Variants in PRMT8 observed in about 807,000 individuals in gnomAD.
PRMT8 encodes the protein protein arginine methyltransferase 8.
PRMT8 carries 7 observed loss-of-function variants against 47.1 expected under a neutral mutation model. That is an observed-to-expected ratio of 0.15 (90% CI 0.08 to 0.28). The LOEUF (loss-of-function observed/expected upper bound fraction) is 0.28. Ranked by LOEUF, PRMT8 falls within the 10% of genes least tolerant of loss-of-function variation. PRMT8 has a pLI of 1.00. For missense variants in PRMT8, 237 were observed against 505.4 expected (o/e 0.47, Z 5.09); for synonymous variants, 188 against 186.5 (o/e 1.01, Z -0.07).
intron 1 of PRMT8, among the ~76,000 whole-genome samples, chr12:3,470,454 C>T (rs946659213): frequency 2.0e-5 from 3 of 152,158 alleles, no homozygotes; most frequent in African/African-American, 7.2e-5. Flanking sequence ...TCTGTTTGAA[C>T]CTGCCAACCT....
chr12:3,397,982 C>G (rs376782614), intron 1 of PRMT8, among the ~76,000 whole-genome samples: 12 of 152,118 alleles, frequency 7.9e-5, no homozygotes, highest in African/African-American at 2.4e-4. Flanking sequence ...TTCCAGGTGC[C>G]GTCCATCACC....
At chr12:3,441,234 A>G (rs1279395165) in intron 1 of PRMT8, among the ~76,000 whole-genome samples, 1 of 150,362 alleles carries the variant, frequency 6.7e-6, no homozygotes, top group Non-Finnish European at 1.5e-5. Flanking sequence ...GTTATGTATT[A>G]AGAACTTTTT....
chr12:3,476,411 A>T (rs776543940), intron 1 of PRMT8, among the ~76,000 whole-genome samples: 10 of 151,996 alleles, frequency 6.6e-5, no homozygotes, highest in Admixed American at 3.9e-4. Context: ...TTTCTGCTTG[A>T]ATTAGGTTTT....
intron 8 of PRMT8, among the ~76,000 whole-genome samples, chr12:3,588,666 C>T (rs977626180): frequency 6.6e-6 from 1 of 152,242 alleles, no homozygotes; most frequent in Non-Finnish European, 1.5e-5. Context: ...AATGAATGCA[C>T]TGCACTAGGA....
In PRMT8 at chr12:3,535,125, C is replaced by A. The variant is rs1365811061; in HGVS notation, c.76-5481C>A. On this transcript the variant is annotated intron_variant, in intron 1 of 9. Coordinates refer to ENST00000382622, the MANE Select transcript of PRMT8 (RefSeq NM_019854.5). This position sits in a 1 kb window ranked among gnomAD's most constrained non-coding sequence, Gnocchi z 4.7. Reference sequence around the variant, plus strand: ...CAAACATGCTCCCCCAAATCCCCACCCCTGCTTGTGGAAATCCGACCCACC... The same window carrying A: ...CAAACATGCTCCCCCAAATCCCCACACCTGCTTGTGGAAATCCGACCCACC... 6.6e-6 allele frequency among the ~76,000 whole-genome samples: 1 copy of A among 152,182 alleles called. No individual in the cohort carries two copies. The highest frequency in any genetic ancestry group is 1.5e-5 in the Non-Finnish European group (1 of 68,032).
At chr12:3,397,107 C>T (rs1409430426) in intron 1 of PRMT8, among the ~76,000 whole-genome samples, 1 of 151,552 alleles carries the variant, frequency 6.6e-6, no homozygotes, top group Non-Finnish European at 1.5e-5. Context: ...TCTAGTTATA[C>T]ATTCTTCTAA....
intron 1 of PRMT8, among the ~76,000 whole-genome samples, chr12:3,471,952 A>G (rs1865166944): frequency 6.6e-6 from 1 of 151,834 alleles, no homozygotes; most frequent in South Asian, 2.1e-4. Context: ...ATGAGGGAAG[A>G]GCGGGTCTCC....
rs761300257 is a variant in PRMT8, at chr12:3,593,379, C to T, written c.*197C>T. On this transcript the variant is annotated 3_prime_UTR_variant, in exon 10 of 10. Coordinates refer to ENST00000382622, the MANE Select transcript of PRMT8 (RefSeq NM_019854.5). This position sits in a 1 kb window ranked among gnomAD's most constrained non-coding sequence, Gnocchi z 4.8. ...GAAGGCCTCCAGCTCCTCCGCTCTG[C>T]CCTGGTAGCCCTTCACGAAGGCTTT... The T allele has an allele frequency of 1.1e-5, 6 of 558,512 alleles. No homozygotes were observed. Among genetic ancestry groups the T allele is most frequent in the Non-Finnish European group, 1.9e-5 (6 of 319,660 alleles). The allele number at this position is 558,512 out of a possible 1,614,324, so 34.6% of individuals were successfully genotyped here.
At chr12:3,480,076 A>C (rs988337285) in intron 1 of PRMT8, among the ~76,000 whole-genome samples, 2 of 152,242 alleles carry the variant, frequency 1.3e-5, no homozygotes, top group African/African-American at 4.8e-5. Context: ...ATAATGGACA[A>C]ACCCTGATGG....
rs1565427798 is a variant in PRMT8 at position 3,514,673 on chromosome 12, TGGGCGACAGGAGCACCAGTGGGA to T, written c.75+22978_75+23000del. ...GACCTTTCCGGCTGGGTTCTGCCTG[TGGGCGACAGGAGCACCAGTGGGA>T]GGGCAACAGGAGCACCAGTGGGAGG... On this transcript the variant is annotated intron_variant, in intron 1 of 9. Coordinates refer to ENST00000382622, the MANE Select transcript of PRMT8 (RefSeq NM_019854.5). This position sits in a 1 kb window ranked among gnomAD's most constrained non-coding sequence, Gnocchi z 5.9. Among the ~76,000 whole-genome samples the T allele has an allele frequency of 7.1e-6, 1 of 141,714 alleles. No homozygotes were observed. Among genetic ancestry groups the T allele is most frequent in the African/African-American group, 2.6e-5 (1 of 38,888 alleles). 93.0% of individuals were successfully genotyped at this position (141,714 alleles called of 152,430 possible).
chr12:3,395,538 A>C (rs1204253617), intron 1 of PRMT8, among the ~76,000 whole-genome samples: 1 of 151,988 alleles, frequency 6.6e-6, no homozygotes, highest in Non-Finnish European at 1.5e-5. Flanking sequence ...GAGATTCTTA[A>C]TCCTGAGTTC....
chr12:3,475,116 T>G (rs1865197836), intron 1 of PRMT8, among the ~76,000 whole-genome samples: 1 of 152,122 alleles, frequency 6.6e-6, no homozygotes, highest in Non-Finnish European at 1.5e-5. Context: ...GCCTGGCCAC[T>G]AAAAGAAGGG....
At chr12:3,423,756 C>T (rs1412401715) in intron 1 of PRMT8, among the ~76,000 whole-genome samples, 2 of 152,176 alleles carry the variant, frequency 1.3e-5, no homozygotes, top group Non-Finnish European at 2.9e-5. Context: ...CAAATGGATT[C>T]CTTTCTGTGT....
chr12:3,444,308 C>G (rs984228484), intron 1 of PRMT8, among the ~76,000 whole-genome samples: 4 of 152,164 alleles, frequency 2.6e-5, no homozygotes, highest in Admixed American at 2.0e-4. Context: ...TCTGACTCTG[C>G]CGCCTTGCTT....
chr12:3,426,199 C>T (rs547648989), intron 1 of PRMT8, among the ~76,000 whole-genome samples: 3 of 152,340 alleles, frequency 2.0e-5, no homozygotes, highest in South Asian at 4.1e-4. Context: ...GCCTGCTGTG[C>T]GCACAAGTAT....
intron 1 of PRMT8, among the ~76,000 whole-genome samples, 189 bp downstream of exon 1, chr12:3,491,889 T>TGTG (rs1565421679): frequency 1.2e-3 from 39 of 32,884 alleles, no homozygotes; most frequent in Non-Finnish European, 1.7e-3. Context: ...TGTGTGTGTG[T>TGTG]TGGTGGGGGG....
chr12:3,438,782 T>C lies in PRMT8; in HGVS notation c.48+57340T>C, dbSNP rs536738698. 5.9e-5 allele frequency among the ~76,000 whole-genome samples: 9 copies of C among 152,110 alleles called. No individual in the cohort carries two copies. In the East Asian group the frequency reaches 1.7e-3, roughly 29 times the overall value. Reference sequence around the variant, plus strand: ...TGAAATGAGAAAAATAAGAACAGAGTGGTGAGTTTCATAGAGCTAAGTATA... The same window carrying C: ...TGAAATGAGAAAAATAAGAACAGAGCGGTGAGTTTCATAGAGCTAAGTATA... On this transcript the variant is annotated intron_variant, in intron 1 of 9. Coordinates refer to the PRMT8 transcript ENST00000452611.
intron 1 of PRMT8, among the ~76,000 whole-genome samples, 170 bp downstream of exon 1, chr12:3,491,870 G>A (rs1865412703): frequency 8.3e-6 from 1 of 119,922 alleles, no homozygotes; most frequent in Non-Finnish European, 1.8e-5. Context: ...GTGTGTGTGT[G>A]TGTGTGTGTG....
At position 3,557,375 on chromosome 12, in the gene PRMT8, C is replaced by T. The variant is rs534821492; in HGVS notation, c.481+3661C>T. On this transcript the variant is annotated intron_variant, in intron 4 of 9. Transcript: ENST00000382622. This position sits in a 1 kb window ranked among gnomAD's most constrained non-coding sequence, Gnocchi z 4.7. The stretch of plus-strand genomic sequence containing the variant: ...GATCTAAGCTGGGCCAGGAAGGAAG[C>T]GGAGAAGGATGGTGGTGGTTGTGAC... 1.6e-4 allele frequency among the ~76,000 whole-genome samples: 25 copies of T among 152,026 alleles called. No individual in the cohort carries two copies. The highest frequency in any genetic ancestry group is 5.3e-4 in the African/African-American group (22 of 41,478).
Sources: gnomAD v4.1 joint callset for allele counts (sites outside exome capture counted in the v4.1 genomes callset) on GRCh38, gnomAD v4.1.1 for gene constraint, Gnocchi (gnomAD v3.1) non-coding constraint, MANE v1.5 for transcripts, NCBI Gene and HGNC (gene_info 2026-07-23, HGNC 2026-07-21) for gene names.